TTC29: variants seen among roughly 807,000 people sequenced by gnomAD.
The protein encoded by TTC29 is tetratricopeptide repeat protein 29.
In TTC29, 49 loss-of-function variants were observed where a neutral mutation model predicts 58.1. That is an observed-to-expected ratio of 0.84 (90% CI 0.67 to 1.07). TTC29 has a LOEUF of 1.07. TTC29 is among the 50% of genes least tolerant of loss of function. The pLI, the probability that TTC29 is intolerant of heterozygous loss-of-function variation, is 0.00. For synonymous variants in TTC29, 209 were observed against 196.8 expected (o/e 1.06, Z -0.52); for missense variants, 582 against 555.6 (o/e 1.05, Z -0.48).
chr4:146,814,624 G>A (rs1751262852), intron 10 of TTC29, among the ~76,000 whole-genome samples: 1 of 151,546 alleles, frequency 6.6e-6, no homozygotes, highest in African/African-American at 2.4e-5. Context: ...TACTCAGGAG[G>A]CTGAGGCAGG....
At chr4:146,881,406 C>A (rs897154943) in intron 6 of TTC29, among the ~76,000 whole-genome samples, 2 of 152,030 alleles carry the variant, frequency 1.3e-5, no homozygotes, top group African/African-American at 4.8e-5. Flanking sequence ...GGGAAATATT[C>A]CACTTTAGTT....
Position 146,797,832 on chromosome 4 carries a change from T to TTATATATATATATA in TTC29, c.1330+5611_1330+5624dup, listed in dbSNP as rs70958528. Among the ~76,000 whole-genome samples the TTATATATATATATA allele has an allele frequency of 2.8e-3, 370 of 129,978 alleles. 1 individual carries two copies. Among genetic ancestry groups the TTATATATATATATA allele is most frequent in the South Asian group, 7.7e-3 (30 of 3,896 alleles). The allele number at this position is 129,978 out of a possible 152,430, so 85.3% of individuals were successfully genotyped here. A position where few individuals can be genotyped will look rare whatever the true frequency, so the allele number is the denominator to read the frequency against. ...ACAACTGGCCACTGATTACTTTGTTTTATATATATATATATATATATATAT... is the reference window on the plus strand; with the variant it reads ...ACAACTGGCCACTGATTACTTTGTTTTATATATATATATATATATATATATATATATATATATAT... On this transcript the variant is annotated intron_variant, in intron 11 of 12. Transcript: ENST00000325106.
At chr4:146,786,014 C>T (rs1173309232) in intron 11 of TTC29, among the ~76,000 whole-genome samples, 1 of 152,012 alleles carries the variant, frequency 6.6e-6, no homozygotes, top group Admixed American at 6.6e-5. Context: ...CACACACTCA[C>T]ACACCTACAA....
chr4:146,911,152 A>T (rs1733870485), intron 4 of TTC29, among the ~76,000 whole-genome samples: 1 of 152,222 alleles, frequency 6.6e-6, no homozygotes, highest in Admixed American at 6.5e-5. Flanking sequence ...GTCCCTGCAT[A>T]GCACTTCTAG....
chr4:146,784,759 A>G (rs570645325), intron 11 of TTC29, among the ~76,000 whole-genome samples: 1 of 152,300 alleles, frequency 6.6e-6, no homozygotes, highest in Admixed American at 6.5e-5. Flanking sequence ...TTGTTATAAC[A>G]TCCTGGATGG....
chr4:146,786,690 T>C (rs1326589177), intron 11 of TTC29, among the ~76,000 whole-genome samples: 1 of 152,232 alleles, frequency 6.6e-6, no homozygotes, highest in African/African-American at 2.4e-5. Context: ...AGCTGACTAA[T>C]ATTGTGATAA....
intron 4 of TTC29, among the ~76,000 whole-genome samples, chr4:146,926,621 C>T (rs928682845): frequency 2.0e-5 from 3 of 152,020 alleles, no homozygotes; most frequent in South Asian, 4.2e-4. Context: ...TGCCACCATG[C>T]CTGGCTAATT....
chr4:146,846,507 A>C (rs969429337), intron 8 of TTC29, among the ~76,000 whole-genome samples: 1 of 152,208 alleles, frequency 6.6e-6, no homozygotes, highest in Non-Finnish European at 1.5e-5. Context: ...GATAAGTACC[A>C]AAATGAGGCA....
intron 11 of TTC29, among the ~76,000 whole-genome samples, chr4:146,787,771 G>A (rs2150097556): frequency 6.6e-6 from 1 of 152,314 alleles, no homozygotes; most frequent in South Asian, 2.1e-4. Flanking sequence ...AAGATGAAAA[G>A]TGTTTTCTGC....
At chr4:146,843,882 A>G (rs934716895) in intron 8 of TTC29, among the ~76,000 whole-genome samples, 1 of 152,180 alleles carries the variant, frequency 6.6e-6, no homozygotes, top group East Asian at 1.9e-4. Context: ...TCCTCATGTG[A>G]TAAGTCCTGC....
At chr4:146,937,986 C>T (rs942316936) in intron 3 of TTC29, among the ~76,000 whole-genome samples, 6 of 152,090 alleles carry the variant, frequency 3.9e-5, no homozygotes, top group Non-Finnish European at 8.8e-5. Flanking sequence ...CACATTTTTT[C>T]GTGGTGTAAC....
At chr4:146,884,306 T>G (rs114112677) in intron 6 of TTC29, among the ~76,000 whole-genome samples, 1 of 152,214 alleles carries the variant, frequency 6.6e-6, no homozygotes, top group African/African-American at 2.4e-5. Context: ...TTTACTAGGG[T>G]TGGCTTTCTA....
In TTC29 at chr4:146,943,509, G is replaced by C. The variant is rs145959833; in HGVS notation, c.-7+1522C>G. On this transcript the variant is annotated intron_variant, in intron 2 of 12. Coordinates refer to ENST00000325106, the MANE Select transcript of TTC29 (RefSeq NM_031956.4). ...GTTTAAGCTTAGAGTCAGGATGGAA[G>C]TTGAACAGGCTTTCTCTTTGTTTCT... Among the ~76,000 whole-genome samples the C allele has an allele frequency of 7.2e-3, 1,100 of 152,262 alleles. 3 individuals carry two copies. Among genetic ancestry groups the C allele is most frequent in the Non-Finnish European group, 0.012 (845 of 68,018 alleles).
intron 8 of TTC29, among the ~76,000 whole-genome samples, chr4:146,865,291 C>A (rs913284130): frequency 6.6e-6 from 1 of 152,186 alleles, no homozygotes; most frequent in African/African-American, 2.4e-5. Flanking sequence ...TTCACTGCCA[C>A]ATCCTTTACA....
chr4:146,929,909 A>C (rs751146533), intron 4 of TTC29, among the ~76,000 whole-genome samples: 15 of 151,804 alleles, frequency 9.9e-5, no homozygotes, highest in Non-Finnish European at 1.6e-4. Context: ...AAGCACTTAA[A>C]ATATATTGAA....
intron 8 of TTC29, among the ~76,000 whole-genome samples, chr4:146,834,245 G>A (rs1728362581): frequency 6.6e-6 from 1 of 152,098 alleles, no homozygotes; most frequent in African/African-American, 2.4e-5. Context: ...ATATAAGGCA[G>A]ATTATAATAT....
At chr4:146,799,595 C>G (rs151323676) in intron 11 of TTC29, among the ~76,000 whole-genome samples, 4 of 152,116 alleles carry the variant, frequency 2.6e-5, no homozygotes, top group African/African-American at 9.6e-5. Context: ...CCTTTACATG[C>G]CATTTTGTAG....
Position 146,737,963 on chromosome 4 carries a change from C to G in TTC29, c.1331-30412G>C, listed in dbSNP as rs554991290. Among the ~76,000 whole-genome samples, 4 of 152,262 alleles carry G rather than the reference C, an allele frequency of 2.6e-5. No individual in the cohort carries two copies. In the South Asian group the frequency reaches 8.3e-4, roughly 32 times the overall value. On this transcript the variant is annotated intron_variant, in intron 11 of 12. Transcript: ENST00000325106. ...TAAACTTTGTCAGCGTTCCTAAGGA[C>G]TGGATGGGGCTGGATTGTGTCTTCA...
At chr4:146,818,190 A>C (rs1751557643) in intron 10 of TTC29, among the ~76,000 whole-genome samples, 1 of 152,238 alleles carries the variant, frequency 6.6e-6, no homozygotes. Flanking sequence ...CTCATCTGAC[A>C]AAGGGCTAAT....
Sources: allele counts gnomAD v4.1 joint callset (sites outside exome capture counted in the v4.1 genomes callset), GRCh38; gene constraint gnomAD v4.1.1; transcripts MANE v1.5; gene names NCBI Gene and HGNC (gene_info 2026-07-23, HGNC 2026-07-21).